CADM2: variants seen among roughly 807,000 people sequenced by gnomAD.
CADM2 encodes the protein cell adhesion molecule 2.
In CADM2, 12 loss-of-function variants were observed where a neutral mutation model predicts 49.8. The ratio of observed to expected loss-of-function variants is 0.24; its 90% CI spans 0.15 to 0.39. The LOEUF (loss-of-function observed/expected upper bound fraction) is 0.39. CADM2 is among the 10% of genes least tolerant of loss of function. CADM2 has a pLI of 1.00. For missense variants in CADM2, 378 were observed against 492.3 expected, an observed-to-expected ratio of 0.77 and a Z score of 2.20; for synonymous variants, 214 against 175.4, an observed-to-expected ratio of 1.22 and a Z score of -1.74.
intron 1 of CADM2, among the ~76,000 whole-genome samples, chr3:85,066,510 T>C (rs986501292): frequency 6.6e-6 from 1 of 152,076 alleles, no homozygotes; most frequent in African/African-American, 2.4e-5. Flanking sequence ...TCACCTCCTT[T>C]GCACTATAAC....
chr3:85,366,464 A>T (rs1298606029), intron 1 of CADM2, among the ~76,000 whole-genome samples: 1 of 152,200 alleles, frequency 6.6e-6, no homozygotes. Context: ...AATAAATATG[A>T]CAATGCAGTC....
chr3:85,389,301 A>G (rs1337639574), intron 1 of CADM2, among the ~76,000 whole-genome samples: 2 of 152,158 alleles, frequency 1.3e-5, no homozygotes, highest in African/African-American at 4.8e-5. Flanking sequence ...TATGCCATAA[A>G]TAGTGTAACA....
chr3:85,846,759 G>A (rs1468069427), intron 3 of CADM2, among the ~76,000 whole-genome samples: 1 of 152,138 alleles, frequency 6.6e-6, no homozygotes. Flanking sequence ...GTAATTGGGA[G>A]GCTGAGGCAG....
intron 1 of CADM2, among the ~76,000 whole-genome samples, chr3:85,523,980 T>C (rs2061095018): frequency 6.6e-6 from 1 of 152,128 alleles, no homozygotes; most frequent in African/African-American, 2.4e-5. Context: ...TATTGTTAAT[T>C]ATTTAGGGAC....
At chr3:85,910,876 T>C (rs151280801) in intron 5 of CADM2, among the ~76,000 whole-genome samples, 1 of 152,056 alleles carries the variant, frequency 6.6e-6, no homozygotes, top group African/African-American at 2.4e-5. Context: ...ATCAATATGA[T>C]AAAGTCATAC....
At chr3:85,284,497 A>G (rs182736791) in intron 1 of CADM2, among the ~76,000 whole-genome samples, 1 of 152,204 alleles carries the variant, frequency 6.6e-6, no homozygotes, top group Non-Finnish European at 1.5e-5. Context: ...AGGAATTTTC[A>G]ATTTCAAATA....
intron 1 of CADM2, among the ~76,000 whole-genome samples, chr3:85,554,882 AT>A (rs902390475): frequency 5.5e-3 from 169 of 30,972 alleles, no homozygotes; most frequent in South Asian, 0.034. Flanking sequence ...TTTTATTTTT[AT>A]TTTTTTTTTT....
chr3:85,390,036 A>C (rs780266347), intron 1 of CADM2, among the ~76,000 whole-genome samples: 17 of 152,118 alleles, frequency 1.1e-4, no homozygotes, highest in Non-Finnish European at 2.2e-4. Context: ...ACTAGTGAAT[A>C]TACATATAAG....
At chr3:84,985,220 A>T (rs2032484378) in intron 1 of CADM2, among the ~76,000 whole-genome samples, 2 of 152,120 alleles carry the variant, frequency 1.3e-5, no homozygotes, top group South Asian at 4.1e-4. Context: ...ATTGCCAATA[A>T]TATTCCTTTG....
intron 8 of CADM2, among the ~76,000 whole-genome samples, chr3:85,977,122 C>T (rs1285057945): frequency 6.6e-6 from 1 of 150,786 alleles, no homozygotes; most frequent in Non-Finnish European, 1.5e-5. Flanking sequence ...CCAAATACTA[C>T]TATAATAATA....
intron 1 of CADM2, among the ~76,000 whole-genome samples, chr3:85,500,296 T>C (rs1361441014): frequency 6.6e-6 from 1 of 152,054 alleles, no homozygotes; most frequent in African/African-American, 2.4e-5. Context: ...TTATTTTCTA[T>C]AAAAAAATGG....
At chr3:85,198,322 T>C (rs1310861327) in intron 1 of CADM2, among the ~76,000 whole-genome samples, 2 of 151,816 alleles carry the variant, frequency 1.3e-5, no homozygotes, top group Non-Finnish European at 1.5e-5. Flanking sequence ...AATATTAGAA[T>C]GTCCTTTGGT....
chr3:85,210,247 C>A (rs2107766048), intron 1 of CADM2, among the ~76,000 whole-genome samples: 1 of 152,156 alleles, frequency 6.6e-6, no homozygotes, highest in African/African-American at 2.4e-5. Flanking sequence ...GTTTTTTGAA[C>A]TTTGTTCTAT....
chr3:85,996,062 C>T (rs1007143203), intron 8 of CADM2, among the ~76,000 whole-genome samples: 55 of 150,166 alleles, frequency 3.7e-4, no homozygotes, highest in African/African-American at 1.3e-3. Context: ...TGCACTCCAG[C>T]CTGGGCGACA....
intron 6 of CADM2, among the ~76,000 whole-genome samples, chr3:85,932,652 A>T (rs1720744164): frequency 6.6e-6 from 1 of 152,146 alleles, no homozygotes; most frequent in Non-Finnish European, 1.5e-5. Context: ...CAGATGAAAC[A>T]TAGGTATTTG....
chr3:85,751,706 A>T (rs73845635), intron 2 of CADM2, among the ~76,000 whole-genome samples: 7,655 of 152,304 alleles, frequency 0.05, 540 homozygotes, highest in African/African-American at 0.15. Context: ...CCAGACAGTC[A>T]GTTAATATAT....
intron 1 of CADM2, among the ~76,000 whole-genome samples, chr3:85,524,480 T>C (rs1396023861): frequency 8.5e-5 from 13 of 152,166 alleles, no homozygotes; most frequent in Non-Finnish European, 8.8e-5. Flanking sequence ...TTTCTGCCAT[T>C]GTTCAAAGAA....
intron 1 of CADM2, among the ~76,000 whole-genome samples, chr3:85,376,885 A>G (rs1440068234): frequency 1.3e-5 from 2 of 152,140 alleles, no homozygotes; most frequent in Non-Finnish European, 2.9e-5. Flanking sequence ...TCAATGAACT[A>G]AAATAAAAGA....
intron 2 of CADM2, among the ~76,000 whole-genome samples, chr3:85,749,357 TGA>T (rs2068764886): frequency 1.3e-5 from 2 of 152,036 alleles, no homozygotes; most frequent in African/African-American, 4.8e-5. Context: ...AATAGTTATA[TGA>T]GTTTCATTTT....
Sources: gnomAD v4.1 joint callset for allele counts (sites outside exome capture counted in the v4.1 genomes callset) on GRCh38, gnomAD v4.1.1 for gene constraint, MANE v1.5 for transcripts, NCBI Gene and HGNC (gene_info 2026-07-23, HGNC 2026-07-21) for gene names.